The following KDM4B variants were observed in gnomAD, a reference collection of about 807,000 sequenced individuals.
The protein encoded by KDM4B is lysine demethylase 4B.
A neutral mutation model predicts 125.2 loss-of-function variants in KDM4B; 32 were observed. That is an observed-to-expected ratio of 0.26 (90% CI 0.19 to 0.34). The LOEUF is 0.34. Ranked by LOEUF, KDM4B falls within the 10% of genes least tolerant of loss-of-function variation. The probability of loss-of-function intolerance (pLI) is 1.00; values close to 1 mark genes in which losing one functional copy is unlikely to be tolerated. For missense variants in KDM4B, 1,190 were observed against 1,577.7 expected (o/e 0.75, Z 4.16); for synonymous variants, 721 against 677.9 (o/e 1.06, Z -0.99).
chr19:5,020,346 T>TTGGTGTGCAGGTGC (rs1294337162), intron 2 of KDM4B, among the ~76,000 whole-genome samples: 1 of 151,834 alleles, frequency 6.6e-6, no homozygotes, highest in Non-Finnish European at 1.5e-5. Flanking sequence ...TGTGTAGGTG[T>TTGGTGTGCAGGTGC]TGGTGTGCAG....
At chr19:5,004,824 C>T (rs2035506720) in intron 1 of KDM4B, among the ~76,000 whole-genome samples, 1 of 152,134 alleles carries the variant, frequency 6.6e-6, no homozygotes, top group Non-Finnish European at 1.5e-5. Flanking sequence ...CCCTACTGTC[C>T]AGGCAGCCCT....
rs2039228858 is a variant in KDM4B, at chr19:5,115,089, G to T, written c.1115+4271G>T. The stretch of plus-strand genomic sequence containing the variant: ...TCTCCAGGCTTTGAAAAGCAGGGAA[G>T]GGTGGGCAGGAGACCCCATGGGCCG... On this transcript the variant is annotated intron_variant, in intron 10 of 22. Transcript: ENST00000159111. The surrounding 1 kb of genome is among the most constrained non-coding windows in gnomAD (Gnocchi z 4.2). 6.6e-6 allele frequency among the ~76,000 whole-genome samples: 1 copy of T among 152,208 alleles called. No individual in the cohort carries two copies. The highest frequency in any genetic ancestry group is 1.5e-5 in the Non-Finnish European group (1 of 68,032).
intron 21 of KDM4B, among the ~76,000 whole-genome samples, chr19:5,147,972 C>T (rs887022287): frequency 4.6e-5 from 7 of 152,232 alleles, no homozygotes; most frequent in African/African-American, 9.6e-5. Flanking sequence ...GCCTGGTCAG[C>T]GGGGCGGGTG....
intron 2 of KDM4B, among the ~76,000 whole-genome samples, chr19:5,018,875 C>G (rs1448266110): frequency 6.6e-6 from 1 of 152,238 alleles, no homozygotes; most frequent in Non-Finnish European, 1.5e-5. Context: ...TCATCCACTC[C>G]GTGGCCTGCG....
rs776713328 is a variant in KDM4B at position 5,002,593 on chromosome 19, G to A, written c.-108-13664G>A. On this transcript the variant is annotated intron_variant, in intron 1 of 22. Coordinates refer to ENST00000159111, the MANE Select transcript of KDM4B (RefSeq NM_015015.3). ...GGTCTCAAACTCCTGGGCTCAAGCA[G>A]TCTTCCTGCCTTGGCCTCCCAAGCA... 4.6e-5 allele frequency among the ~76,000 whole-genome samples: 7 copies of A among 150,654 alleles called. No individual in the cohort carries two copies. The East Asian group carries it at 1.2e-3, about 26-fold the overall frequency.
At chr19:5,098,346 C>A (rs1261921425) in intron 9 of KDM4B, among the ~76,000 whole-genome samples, 1 of 152,174 alleles carries the variant, frequency 6.6e-6, no homozygotes, top group Non-Finnish European at 1.5e-5. Context: ...TGCATGGGAT[C>A]GTTATGGCTC....
chr19:5,123,058 G>T (rs188226074), intron 11 of KDM4B, among the ~76,000 whole-genome samples: 1 of 152,236 alleles, frequency 6.6e-6, no homozygotes, highest in African/African-American at 2.4e-5. Flanking sequence ...GCAGATGCAG[G>T]GACAGGCAAA....
chr19:5,015,852 G>A (rs767928896), intron 1 of KDM4B, among the ~76,000 whole-genome samples: 3 of 152,120 alleles, frequency 2.0e-5, no homozygotes, highest in African/African-American at 4.8e-5. Context: ...CTCTCTCCCC[G>A]TGCTCTGCCT....
chr19:5,104,844 C>T (rs2039004677), intron 9 of KDM4B, among the ~76,000 whole-genome samples: 1 of 152,212 alleles, frequency 6.6e-6, no homozygotes, highest in African/African-American at 2.4e-5. Context: ...CAGAGCCTGA[C>T]TCCAGGTCCC....
intron 1 of KDM4B, among the ~76,000 whole-genome samples, chr19:5,006,286 C>T (rs1259550620): frequency 6.6e-6 from 1 of 152,126 alleles, no homozygotes; most frequent in South Asian, 2.1e-4. Flanking sequence ...CCCCCATCCC[C>T]TGGGCTTGTG....
chr19:5,099,844 C>T (rs2038897670), intron 9 of KDM4B, among the ~76,000 whole-genome samples: 1 of 152,218 alleles, frequency 6.6e-6, no homozygotes, highest in Non-Finnish European at 1.5e-5. Context: ...CCAAATCTGC[C>T]AGTGCTTTGA....
chr19:4,999,648 T>C (rs745439472), intron 1 of KDM4B, among the ~76,000 whole-genome samples: 5 of 152,150 alleles, frequency 3.3e-5, no homozygotes, highest in Non-Finnish European at 7.4e-5. Flanking sequence ...ACCTGACATT[T>C]GTATCCATCT....
chr19:4,990,446 G>T (rs2034995903), intron 1 of KDM4B, among the ~76,000 whole-genome samples: 1 of 152,228 alleles, frequency 6.6e-6, no homozygotes, highest in South Asian at 2.1e-4. Flanking sequence ...GCCTGGGGCA[G>T]GTGGCCTCTG....
chr19:5,135,008 C>G (rs1043568134), intron 14 of KDM4B, among the ~76,000 whole-genome samples: 8 of 152,326 alleles, frequency 5.3e-5, no homozygotes, highest in Admixed American at 2.6e-4. Flanking sequence ...TGTGGAGACT[C>G]GTTCATCACA....
intron 21 of KDM4B, among the ~76,000 whole-genome samples, chr19:5,148,090 G>A (rs749024036): frequency 3.6e-4 from 55 of 152,224 alleles, no homozygotes; most frequent in Non-Finnish European, 6.0e-4. Context: ...TGTTTCCCTC[G>A]CACGTGACCC....
At chr19:5,059,265 G>A (rs1447863511) in intron 6 of KDM4B, among the ~76,000 whole-genome samples, 15 of 152,236 alleles carry the variant, frequency 9.9e-5, no homozygotes, top group Admixed American at 6.5e-5. Context: ...ATTGGGCAGC[G>A]CATGGCTTCC....
chr19:5,090,025 CA>C (rs547917188), intron 9 of KDM4B, among the ~76,000 whole-genome samples: 13 of 152,146 alleles, frequency 8.5e-5, no homozygotes, highest in Non-Finnish European at 1.5e-4. Context: ...GGAAACAAGA[CA>C]AAAACACAAA....
At chr19:4,984,943 A>G (rs2145343946) in intron 1 of KDM4B, among the ~76,000 whole-genome samples, 1 of 152,310 alleles carries the variant, frequency 6.6e-6, no homozygotes. Context: ...AGCCTTCGGG[A>G]TCTGCTGGGT....
At position 5,051,738 on chromosome 19, in the gene KDM4B, G is replaced by A. The variant is rs73919711; in HGVS notation, c.626+4069G>A. 2.2e-3 allele frequency among the ~76,000 whole-genome samples: 335 copies of A among 152,358 alleles called. 3 individuals are homozygous for A. The highest frequency in any genetic ancestry group is 7.6e-3 in the African/African-American group (315 of 41,590). On this transcript the variant is annotated intron_variant, in intron 6 of 22. Coordinates refer to ENST00000159111, the MANE Select transcript of KDM4B (RefSeq NM_015015.3). ...GGGGGTCATCCTGCACCCAGGTGAAGCCCCCAAGAGCAGCGGGGCGAAGGA... is the reference window on the plus strand; with the variant it reads ...GGGGGTCATCCTGCACCCAGGTGAAACCCCCAAGAGCAGCGGGGCGAAGGA...
Sources: gnomAD v4.1 joint callset for allele counts (sites outside exome capture counted in the v4.1 genomes callset) on GRCh38, gnomAD v4.1.1 for gene constraint, Gnocchi (gnomAD v3.1) non-coding constraint, MANE v1.5 for transcripts, NCBI Gene and HGNC (gene_info 2026-07-23, HGNC 2026-07-21) for gene names.